Variants in MAP3K9 observed in about 807,000 individuals in gnomAD.
MAP3K9 encodes the protein mixed lineage kinase 1 (tyr and ser/thr specificity).
In MAP3K9, 46 loss-of-function variants were observed where a neutral mutation model predicts 95.8. The observed-to-expected ratio is 0.48, with a 90% CI of 0.38 to 0.61. MAP3K9 has a LOEUF of 0.61. Among genes scored for constraint, MAP3K9 ranks in the 20% least tolerant of loss-of-function variants. The pLI, the probability that MAP3K9 is intolerant of heterozygous loss-of-function variation, is 0.00. For synonymous variants in MAP3K9, 533 were observed against 593.8 expected (o/e 0.90, Z 1.49); for missense variants, 1,296 against 1,474.3 (o/e 0.88, Z 1.98).
chr14:70,776,143 C>A lies in MAP3K9; in HGVS notation c.821-14961G>T, dbSNP rs546161448. Among the ~76,000 whole-genome samples, 3 of 152,234 alleles carry A rather than the reference C, an allele frequency of 2.0e-5. No individual in the cohort carries two copies. The East Asian group carries it at 5.8e-4, about 29-fold the overall frequency. ...GGTGGAGGTTGCAGTGAGCCAAGATCGCGCCATTACACTCCAGCCTGGGCG... is the reference window on the plus strand; with the variant it reads ...GGTGGAGGTTGCAGTGAGCCAAGATAGCGCCATTACACTCCAGCCTGGGCG... On this transcript the variant is annotated intron_variant, in intron 2 of 11. Transcript: ENST00000554752.
Position 70,750,499 on chromosome 14 carries a change from TTTTGG to T in MAP3K9, c.1002-423_1002-419del, listed in dbSNP as rs2054210160. Among the ~76,000 whole-genome samples, 3 of 152,240 alleles carry T rather than the reference TTTTGG, an allele frequency of 2.0e-5. No individual in the cohort carries two copies. In the South Asian group the frequency reaches 6.2e-4, roughly 32 times the overall value. On this transcript the variant is annotated intron_variant, in intron 3 of 11. Transcript: ENST00000554752. ...TGTTTTTTGTTTGTTTGTTTGTTTGTTTTGGGATGGAGTTTCGCTCGGTTGCTCAG... is the reference window on the plus strand; with the variant it reads ...TGTTTTTTGTTTGTTTGTTTGTTTGTGATGGAGTTTCGCTCGGTTGCTCAG...
chr14:70,791,245 G>A (rs141207034), intron 2 of MAP3K9, among the ~76,000 whole-genome samples: 1 of 152,244 alleles, frequency 6.6e-6, no homozygotes, highest in East Asian at 1.9e-4. Context: ...CCCTCACCAA[G>A]GCTGTTTTCT....
chr14:70,775,911 G>C (rs535702107), intron 2 of MAP3K9, among the ~76,000 whole-genome samples: 2 of 152,282 alleles, frequency 1.3e-5, no homozygotes, highest in East Asian at 3.9e-4. Context: ...ATTTGGGGCC[G>C]GGTGTGGTGG....
intron 5 of MAP3K9, among the ~76,000 whole-genome samples, chr14:70,742,911 T>TTATA (rs3081458): frequency 0.014 from 1,940 of 143,050 alleles, 13 homozygotes; most frequent in Non-Finnish European, 0.022. Flanking sequence ...TTATATATAT[T>TTATA]TATATATATA....
chr14:70,736,603 T>C (rs1003890064), intron 8 of MAP3K9, among the ~76,000 whole-genome samples: 1 of 152,196 alleles, frequency 6.6e-6, no homozygotes, highest in Non-Finnish European at 1.5e-5. Flanking sequence ...GAAGTTAATA[T>C]TTTGCAATGT....
rs143859497 is a variant in MAP3K9, at chr14:70,785,694, T to C, written c.820+14973A>G. Among the ~76,000 whole-genome samples the C allele has an allele frequency of 7.6e-3, 1,152 of 152,218 alleles. 18 individuals carry two copies. Among genetic ancestry groups the C allele is most frequent in the African/African-American group, 0.026 (1,078 of 41,510 alleles). ...ACCCGGGATCATTGAGTTGTGACAA[T>C]GTCAATGGTTGGATGTCAGGACAGA... On this transcript the variant is annotated intron_variant, in intron 2 of 11. Transcript: ENST00000554752.
chr14:70,742,521 C>T lies in MAP3K9; in HGVS notation c.1397G>A (p.Arg466Gln), dbSNP rs1220234795. The T allele has an allele frequency of 1.2e-6, 2 of 1,614,194 alleles. No homozygotes were observed. Among genetic ancestry groups the T allele is most frequent in the Non-Finnish European group, 1.7e-6 (2 of 1,180,036 alleles). Reference protein sequence around the residue: ...LQQKNQEELLRRREQELAERE... With the variant: ...LQQKNQEELLQRREQELAERE... ...CTCGGCCAGCTCCTGCTCCCGACGC[C>T]GCAGCAGTTCCTCCTGGTTCTTCTG... The change falls in exon 6 of 12, where the codon CGG becomes CAG. Residue 466 changes from arginine to glutamine, a missense_variant. Coordinates refer to ENST00000554752, the MANE Select transcript of MAP3K9 (RefSeq NM_001284230.2).
chr14:70,733,938 A>C (rs911278915), intron 10 of MAP3K9: 9 of 653,190 alleles, frequency 1.4e-5, no homozygotes, highest in South Asian at 1.1e-4. Flanking sequence ...TTGGACTCTC[A>C]GACTTGTAAC....
At chr14:70,737,933 T>A (rs891673242) in intron 8 of MAP3K9, among the ~76,000 whole-genome samples, 8 of 152,182 alleles carry the variant, frequency 5.3e-5, no homozygotes, top group Non-Finnish European at 2.9e-5. Context: ...CACTCGCTCA[T>A]TTACATGTTG....
intron 3 of MAP3K9, 101 bp from the exon 4 acceptor site, chr14:70,750,182 G>T: frequency 9.4e-7 from 1 of 1,060,716 alleles, no homozygotes; most frequent in Non-Finnish European, 1.4e-6. Flanking sequence ...CTCCCCAACA[G>T]ATAGTGAGAC....
chr14:70,790,512 C>T (rs1170766236), intron 2 of MAP3K9, among the ~76,000 whole-genome samples: 3 of 152,184 alleles, frequency 2.0e-5, no homozygotes, highest in African/African-American at 7.2e-5. Flanking sequence ...CTGGGGCCCA[C>T]GTTCTTTCCA....
intron 5 of MAP3K9, among the ~76,000 whole-genome samples, chr14:70,743,097 A>C (rs952351816): frequency 1.3e-5 from 2 of 151,864 alleles, no homozygotes; most frequent in African/African-American, 4.8e-5. Flanking sequence ...AGTGATTTTC[A>C]TGTCTCAGCC....
chr14:70,751,117 G>A (rs940847151), intron 3 of MAP3K9, among the ~76,000 whole-genome samples: 2 of 152,188 alleles, frequency 1.3e-5, no homozygotes, highest in African/African-American at 2.4e-5. Context: ...ACAGAGCAGC[G>A]CATCAGCTGT....
At chr14:70,806,143 C>T (rs570580325) in intron 1 of MAP3K9, among the ~76,000 whole-genome samples, 1 of 152,298 alleles carries the variant, frequency 6.6e-6, no homozygotes, top group East Asian at 1.9e-4. Flanking sequence ...CATTCCAAGT[C>T]TTCGGAGACA....
At chr14:70,774,965 A>AGAGT (rs2139812543) in intron 2 of MAP3K9, among the ~76,000 whole-genome samples, 2 of 122,956 alleles carry the variant, frequency 1.6e-5, no homozygotes, top group Non-Finnish European at 3.2e-5. Context: ...GCCTGGAGAC[A>AGAGT]GAGTGAGACT....
chr14:70,741,671 T>C (rs1463443350), intron 6 of MAP3K9, among the ~76,000 whole-genome samples: 1 of 152,170 alleles, frequency 6.6e-6, no homozygotes, highest in Non-Finnish European at 1.5e-5. Context: ...TCAACTGCAC[T>C]CAGGGGACTA....
intron 3 of MAP3K9, among the ~76,000 whole-genome samples, chr14:70,751,013 T>C (rs1028765300): frequency 1.3e-5 from 2 of 151,554 alleles, no homozygotes; most frequent in Admixed American, 6.6e-5. Context: ...CTAGGTTGAA[T>C]AGATTTCTGC....
rs199845016 is a variant in MAP3K9 at position 70,800,819 on chromosome 14, G to C, written c.668C>G (p.Ala223Gly). 1.9e-6 allele frequency: 3 copies of C among 1,614,126 alleles called. No homozygotes were observed. In the East Asian group the frequency reaches 6.7e-5, roughly 36 times the overall value. ...EPNLCLVMEF[A>G]RGGPLNRVLS... ...CACTCTATTCAAAGGTCCTCCACGA[G>C]CAAACTCCATGACCAAGCAGAGGTT... is the stretch of plus-strand genomic sequence containing the variant. The change falls in exon 2 of 12, where the codon GCT becomes GGT. Residue 223 changes from alanine (A) to glycine (G), a missense_variant. Transcript: ENST00000554752.
At chr14:70,779,786 G>A (rs922114897) in intron 2 of MAP3K9, among the ~76,000 whole-genome samples, 3 of 152,236 alleles carry the variant, frequency 2.0e-5, no homozygotes, top group African/African-American at 7.2e-5. Flanking sequence ...GCTGAGAACA[G>A]CCACTCCTTG....
Sources: gnomAD v4.1 joint callset for allele counts (sites outside exome capture counted in the v4.1 genomes callset) on GRCh38, gnomAD v4.1.1 for gene constraint, MANE v1.5 for transcripts, NCBI Gene and HGNC (gene_info 2026-07-23, HGNC 2026-07-21) for gene names.